The following FBXO33 variants were observed in gnomAD, a reference collection of about 807,000 sequenced individuals.
FBXO33 encodes F-box only protein 33.
A neutral mutation model predicts 46.3 loss-of-function variants in FBXO33; 22 were observed. That is an observed-to-expected ratio of 0.48 (90% confidence interval 0.34 to 0.68). The LOEUF (loss-of-function observed/expected upper bound fraction) is 0.68, where lower values mean the gene tolerates loss of function less well. Among genes scored for constraint, FBXO33 ranks in the 30% least tolerant of loss-of-function variants. The probability of loss-of-function intolerance (pLI) is 0.01; values close to 1 mark genes in which losing one functional copy is unlikely to be tolerated. For missense variants in FBXO33, 692 were observed against 708.8 expected (o/e 0.98, Z 0.27); for synonymous variants, 337 against 291.3 (o/e 1.16, Z -1.60).
In FBXO33 at chr14:39,431,997, G is replaced by A; in HGVS notation, c.166C>T (p.Arg56Trp). ...RGRPGAGSRR[R>W]GRMALCGQAA... ...TGCCCGCACAGAGCCATCCGGCCCC[G>A]CCGCCGGCTGCCGGCTCCCGGCCGC... is the stretch of plus-strand genomic sequence containing the variant. Residue 56 changes from arginine (R) to tryptophan (W), a missense_variant, in exon 1 of 4, where the codon CGG becomes TGG. Transcript: ENST00000298097. The A allele has an allele frequency of 1.5e-5, 22 of 1,425,582 alleles. No homozygotes were observed. Among genetic ancestry groups the A allele is most frequent in the Non-Finnish European group, 1.7e-5 (19 of 1,102,326 alleles). 88.3% of individuals were successfully genotyped at this position (1,425,582 alleles called of 1,614,324 possible).
At chr14:39,402,143 C>A (rs1029249259) in intron 2 of FBXO33, among the ~76,000 whole-genome samples, 6 of 152,040 alleles carry the variant, frequency 3.9e-5, no homozygotes, top group Non-Finnish European at 7.4e-5. Flanking sequence ...GGATAACATA[C>A]AATTTATGTT....
chr14:39,428,526 CAAA>C (rs2075527160), intron 1 of FBXO33, among the ~76,000 whole-genome samples: 1 of 151,082 alleles, frequency 6.6e-6, no homozygotes, highest in South Asian at 2.1e-4. Context: ...TCAACAACAA[CAAA>C]AAAGTACTGC....
intron 1 of FBXO33, among the ~76,000 whole-genome samples, chr14:39,420,327 T>G (rs527908001): frequency 2.2e-4 from 33 of 152,362 alleles, no homozygotes; most frequent in African/African-American, 7.9e-4. Flanking sequence ...TCCATAATTT[T>G]CAGACCTGCA....
chr14:39,401,050 A>T (rs1006794039), intron 3 of FBXO33, 126 bp downstream of exon 3: 1 of 865,672 alleles, frequency 1.2e-6, no homozygotes, highest in African/African-American at 1.7e-5. Flanking sequence ...TAAAAAGCAT[A>T]AGAATCTGTA....
chr14:39,418,774 C>CAAAAAAAAAAAAA (rs1237168650), intron 1 of FBXO33, among the ~76,000 whole-genome samples: 1 of 60,124 alleles, frequency 1.7e-5, no homozygotes, highest in Non-Finnish European at 3.5e-5. Context: ...GACTCCGTCT[C>CAAAAAAAAAAAAA]AAAAAAAAAA....
In FBXO33 at chr14:39,425,939, G is replaced by A. The variant is rs2075510806; in HGVS notation, c.599+5625C>T. 1.3e-5 allele frequency among the ~76,000 whole-genome samples: 2 copies of A among 152,040 alleles called. 1 individual carries two copies. Among genetic ancestry groups the A allele is most frequent in the South Asian group, 4.1e-4 (2 of 4,828 alleles). On this transcript the variant is annotated intron_variant, in intron 1 of 3. Coordinates refer to ENST00000298097, the MANE Select transcript of FBXO33 (RefSeq NM_203301.4). ...AGAAATAAATAACCGGCCTATAACAGTACTCCGTATTAGCTTTGGGACCCA... is the reference window on the plus strand; with the variant it reads ...AGAAATAAATAACCGGCCTATAACAATACTCCGTATTAGCTTTGGGACCCA...
chr14:39,424,796 T>C (rs1567078802), intron 1 of FBXO33, among the ~76,000 whole-genome samples: 2 of 152,200 alleles, frequency 1.3e-5, no homozygotes, highest in Admixed American at 6.5e-5. Flanking sequence ...GACTCAGGCC[T>C]GTAATCCCAG....
chr14:39,410,971 C>T (rs1024880326), intron 1 of FBXO33, among the ~76,000 whole-genome samples: 9 of 139,738 alleles, frequency 6.4e-5, no homozygotes, highest in East Asian at 2.7e-4. Flanking sequence ...TCCTTACTAC[C>T]GCTTTTTCTA....
intron 1 of FBXO33, among the ~76,000 whole-genome samples, chr14:39,420,931 C>A (rs2075479871): frequency 6.6e-6 from 1 of 152,146 alleles, no homozygotes. Context: ...AAGCCTAACT[C>A]CTAGAGTTGC....
At chr14:39,404,717 T>C (rs1328505275) in intron 1 of FBXO33, among the ~76,000 whole-genome samples, 18 of 152,158 alleles carry the variant, frequency 1.2e-4, no homozygotes, top group Non-Finnish European at 2.4e-4. Context: ...TTTGCAGCAC[T>C]TGAAGAGATC....
chr14:39,415,911 CCTGCCTTGGCCTCCCAA>C (rs1271650763), intron 1 of FBXO33, among the ~76,000 whole-genome samples: 1 of 152,254 alleles, frequency 6.6e-6, no homozygotes, highest in Non-Finnish European at 1.5e-5. Context: ...AGGTGATCCA[CCTGCCTTGGCCTCCCAA>C]AGTGCTGGAA....
rs548962519 is a variant in FBXO33 at position 39,403,539 on chromosome 14, T to G, written c.600-1028A>C. Reference sequence around the variant, plus strand: ...AAGATCATGCCACTGCACTCCAGCCTGGGAGACAGACTCTACCTAAGAAAA... The same window carrying G: ...AAGATCATGCCACTGCACTCCAGCCGGGGAGACAGACTCTACCTAAGAAAA... On this transcript the variant is annotated intron_variant, in intron 1 of 3. Coordinates refer to ENST00000298097, the MANE Select transcript of FBXO33 (RefSeq NM_203301.4). Among the ~76,000 whole-genome samples, 39 of 152,344 alleles carry G rather than the reference T, an allele frequency of 2.6e-4. No homozygotes were observed. In the South Asian group the frequency reaches 7.9e-3, roughly 31 times the overall value.
chr14:39,401,763 G>A lies in FBXO33; in HGVS notation c.809C>T (p.Ser270Leu), dbSNP rs747554293. Reference protein sequence around the residue: ...MLEIVTPTSLSSLSNAVANTM... With the variant: ...MLEIVTPTSLLSLSNAVANTM... ...GTTGGCAACAGCATTAGAGAGAGAT[G>A]ACAGTGATGTTGGGGTTACTATTTC... Residue 270 changes from serine (S) to leucine (L), a missense_variant, in exon 3 of 4, where the codon TCA (serine) becomes TTA (leucine). By Grantham distance (145) the Ser-to-Leu change is moderately radical (BLOSUM62 -2). Around this residue, in one of 3 missense-constraint regions of FBXO33, gnomAD observed 412 missense variants for 370.8 expected, o/e 1.11. Transcript: ENST00000298097. 3 of 1,614,188 alleles carry A rather than the reference G, an allele frequency of 1.9e-6. No homozygotes were observed. In the East Asian group the frequency reaches 6.7e-5, roughly 36 times the overall value.
At chr14:39,427,764 T>G (rs1249343912) in intron 1 of FBXO33, among the ~76,000 whole-genome samples, 1 of 151,894 alleles carries the variant, frequency 6.6e-6, no homozygotes, top group Non-Finnish European at 1.5e-5. Flanking sequence ...CACAGTGAGA[T>G]CCTGTCTTTA....
At chr14:39,429,932 C>T (rs1404259963) in intron 1 of FBXO33, among the ~76,000 whole-genome samples, 1 of 152,204 alleles carries the variant, frequency 6.6e-6, no homozygotes, top group Non-Finnish European at 1.5e-5. Context: ...ATCCAACCAA[C>T]CAGTTATTAA....
chr14:39,408,019 C>A (rs1049667966), intron 1 of FBXO33, among the ~76,000 whole-genome samples: 1 of 152,234 alleles, frequency 6.6e-6, no homozygotes, highest in East Asian at 1.9e-4. Flanking sequence ...AGGCTCACTG[C>A]AGCCTCAACT....
At chr14:39,424,166 C>T (rs1032232574) in intron 1 of FBXO33, among the ~76,000 whole-genome samples, 1 of 152,194 alleles carries the variant, frequency 6.6e-6, no homozygotes, top group Non-Finnish European at 1.5e-5. Context: ...CTACTTCTGT[C>T]TGGAATCACT....
intron 1 of FBXO33, among the ~76,000 whole-genome samples, chr14:39,429,396 A>G (rs887568300): frequency 2.0e-5 from 3 of 152,220 alleles, no homozygotes; most frequent in Non-Finnish European, 4.4e-5. Context: ...TCCCAAGTCT[A>G]TAGTTTAAGT....
intron 1 of FBXO33, among the ~76,000 whole-genome samples, chr14:39,420,223 G>A (rs1379661643): frequency 6.6e-6 from 1 of 152,132 alleles, no homozygotes; most frequent in Non-Finnish European, 1.5e-5. Context: ...AGAAATAAAG[G>A]TTTTAAAAAT....
Sources: gnomAD v4.1 joint callset for allele counts (sites outside exome capture counted in the v4.1 genomes callset) on GRCh38, gnomAD v4.1.1 for gene constraint, gnomAD v4.1.1 regional missense constraint, MANE v1.5 for transcripts, NCBI Gene and HGNC (gene_info 2026-07-23, HGNC 2026-07-21) for gene names.